The following RTEL1 variants were observed in gnomAD, a reference collection of about 807,000 sequenced individuals.
RTEL1 encodes the protein regulator of telomere elongation helicase 1, also known as regulator of telomere length.
A neutral mutation model predicts 162.2 loss-of-function variants in RTEL1; 86 were observed. The ratio of observed to expected loss-of-function variants is 0.53; its 90% CI spans 0.45 to 0.63. The LOEUF (loss-of-function observed/expected upper bound fraction) is 0.63, where lower values mean the gene tolerates loss of function less well. Ranked by LOEUF, RTEL1 falls within the 30% of genes least tolerant of loss-of-function variation. RTEL1 has a pLI of 0.00. For missense variants in RTEL1, 1,941 were observed against 1,750.2 expected (o/e 1.11, Z -1.95); for synonymous variants, 958 against 717.9 (o/e 1.33, Z -5.35).
upstream of RTEL1, chr20:63,657,982 C>G (rs2089944178): frequency 6.6e-6 from 1 of 152,306 alleles, no homozygotes; most frequent in Non-Finnish European, 1.5e-5. Flanking sequence ...TTCAAATTTT[C>G]AGGAAAGCGG....
Position 63,667,487 on chromosome 20 carries a change from G to A in RTEL1, c.633G>A (p.Leu211=). Residue 211 remains leucine (L), a synonymous_variant, in exon 8 of 35, where the codon CTG becomes CTA. Transcript: ENST00000360203. The part of the protein sequence containing the change: ...GSKHRVCPYY[L]SRNLKQQADI... The stretch of plus-strand genomic sequence containing the variant: ...TTCCCAGGGTGTGCCCTTACTACCT[G>A]TCCCGGAACCTGAAGCAGCAAGCCG... 1 of 1,613,770 alleles carries A rather than the reference G, an allele frequency of 6.2e-7. No homozygotes were observed. Among genetic ancestry groups the A allele is most frequent in the Non-Finnish European group, 8.5e-7 (1 of 1,179,784 alleles).
At chr20:63,673,336 A>G (rs888596674) in intron 9 of RTEL1, among the ~76,000 whole-genome samples, 13 of 151,292 alleles carry the variant, frequency 8.6e-5, no homozygotes, top group African/African-American at 2.9e-4. Context: ...AGAGGTTGCA[A>G]TGAGCCAAGA....
At position 63,688,936 on chromosome 20, in the gene RTEL1, A is replaced by G. The variant is rs2090658744; in HGVS notation, c.1801-119A>G. ...GCCAGGAAGAAGCTTCCAGAACCCG[A>G]TTGGCCTTCCTGGCTAGGACGATCC... On this transcript the variant is annotated intron_variant, in intron 21 of 34. Coordinates refer to ENST00000360203, the MANE Select transcript of RTEL1 (RefSeq NM_001283009.2). 4 of 897,788 alleles carry G rather than the reference A, an allele frequency of 4.5e-6. No homozygotes were observed. The Admixed American group carries it at 7.7e-5, about 17-fold the overall frequency. The allele number at this position is 897,788 out of a possible 1,614,324, so 55.6% of individuals were successfully genotyped here. A position where few individuals can be genotyped will look rare whatever the true frequency, so the allele number is the denominator to read the frequency against.
rs2090851223 is a variant in RTEL1, at chr20:63,693,510, T to TCCACCACCTCCACCTCCACCA, written c.2992+229_2992+230insACCACCTCCACCTCCACCACC. 4.6e-4 allele frequency among the ~76,000 whole-genome samples: 2 copies of TCCACCACCTCCACCTCCACCA among 4,386 alleles called. 1 individual carries two copies. The highest frequency in any genetic ancestry group is 7.8e-4 in the Non-Finnish European group (2 of 2,550). 2.9% of individuals were successfully genotyped at this position (4,386 alleles called of 152,430 possible). A position where few individuals can be genotyped will look rare whatever the true frequency, so the allele number is the denominator to read the frequency against. On this transcript the variant is annotated intron_variant, in intron 30 of 34. Transcript: ENST00000360203. ...CACCACCTCCACCTCCACCACCACC[T>TCCACCACCTCCACCTCCACCA]CCTCCACCACCACCACCTCCACCAC... is the stretch of plus-strand genomic sequence containing the variant.
rs764990302 is a variant in RTEL1, at chr20:63,678,301, C to G, written c.992C>G (p.Ala331Gly). 3.7e-6 allele frequency: 6 copies of G among 1,612,886 alleles called. No homozygotes were observed. The highest frequency in any genetic ancestry group is 5.1e-6 in the Non-Finnish European group (6 of 1,179,622). Residue 331 changes from alanine to glycine, a missense_variant, in exon 12 of 35, where the codon GCT becomes GGT. Ala to Gly is a moderately conservative substitution (Grantham distance 60). Coordinates refer to ENST00000360203, the MANE Select transcript of RTEL1 (RefSeq NM_001283009.2). ...CTGCGCCTGGAGGGGGCCATCGATG[C>G]TGTTGAGCTGCCTGGAGACGACAGC... ...ILLRLEGAID[A>G]VELPGDDSGV...
chr20:63,692,980 C>T lies in RTEL1; in HGVS notation c.2828C>T (p.Pro943Leu), dbSNP rs142969505. 73 of 1,612,504 alleles carry T rather than the reference C, an allele frequency of 4.5e-5. No homozygotes were observed. Among genetic ancestry groups the T allele is most frequent in the Middle Eastern group, 1.6e-4 (1 of 6,080 alleles). ...CTCGGCCCCCTCTTTGCTGAGGACC[C>T]CAAGAAGCACAACCTGCTCCAAGGT... The part of the protein sequence containing the change: ...ACLGPLFAED[P>L]KKHNLLQGFY... The change falls in exon 29 of 35, where the codon CCC (proline) becomes CTC (leucine). Residue 943 changes from proline to leucine, a missense_variant. Transcript: ENST00000360203.
Position 63,678,277 on chromosome 20 carries a change from T to G in RTEL1, c.968T>G (p.Leu323Arg), listed in dbSNP as rs966204028. The G allele has an allele frequency of 6.2e-7, 1 of 1,612,456 alleles. No homozygotes were observed. The highest frequency in any genetic ancestry group is 8.5e-7 in the Non-Finnish European group (1 of 1,179,126). Reference protein sequence around the residue: ...EDIAKLKMILLRLEGAIDAVE... With the variant: ...EDIAKLKMILRRLEGAIDAVE... ...CCTCCTCGACCCACAGTGATCCTGC[T>G]GCGCCTGGAGGGGGCCATCGATGCT... Residue 323 changes from leucine to arginine, a missense_variant, in exon 12 of 35, where the codon CTG (leucine) becomes CGG (arginine). Physicochemically the swap from Leu to Arg is moderately radical, Grantham distance 102. Transcript: ENST00000360203.
At chr20:63,666,443 C>T (rs1051707209) in intron 7 of RTEL1, among the ~76,000 whole-genome samples, 1 of 152,246 alleles carries the variant, frequency 6.6e-6, no homozygotes, top group Non-Finnish European at 1.5e-5. Flanking sequence ...CGGCCTTGTT[C>T]TTTTGAGGAC....
chr20:63,688,354 C>T lies in RTEL1; in HGVS notation c.1690C>T (p.Pro564Ser). 6.2e-7 allele frequency: 1 copy of T among 1,612,714 alleles called. No individual in the cohort carries two copies. Among genetic ancestry groups the T allele is most frequent in the Non-Finnish European group, 8.5e-7 (1 of 1,179,970 alleles). ...GCTCCTGATCTTCTTCCCTTCCTAT[C>T]CTGTCATGGAGAAGAGCCTGGAGTT... ...YGLLIFFPSYPVMEKSLEFWR... is the reference protein window; with the variant it reads ...YGLLIFFPSYSVMEKSLEFWR... Residue 564 changes from proline to serine, a missense_variant, in exon 20 of 35, where the codon CCT becomes TCT. Physicochemically the swap from Pro to Ser is moderately conservative, Grantham distance 74. Transcript: ENST00000360203.
At chr20:63,680,072 C>G (rs1046257627) in intron 13 of RTEL1, 126 bp downstream of exon 13, 1 of 656,058 alleles carries the variant, frequency 1.5e-6, no homozygotes, top group African/African-American at 1.8e-5. Context: ...GCCCACAGAA[C>G]CTCATCTTCT....
chr20:63,683,089 G>A (rs2090510622), intron 14 of RTEL1, among the ~76,000 whole-genome samples: 1 of 152,160 alleles, frequency 6.6e-6, no homozygotes, highest in South Asian at 2.1e-4. Context: ...TCAGCCACCC[G>A]AGGAGCTGTG....
chr20:63,659,350 C>T lies in RTEL1; in HGVS notation c.-53C>T. 2 of 1,384,342 alleles carry T rather than the reference C, an allele frequency of 1.4e-6. No individual in the cohort carries two copies. Among genetic ancestry groups the T allele is most frequent in the South Asian group, 1.2e-5 (1 of 85,876 alleles). The allele number at this position is 1,384,342 out of a possible 1,614,324, so 85.8% of individuals were successfully genotyped here. A position where few individuals can be genotyped will look rare whatever the true frequency, so the allele number is the denominator to read the frequency against. ...TTCGGAGTGGTTTTTTCGCACAGAC[C>T]CGAATAGCCTGCCCCTCAGCCACGC... On this transcript the variant is annotated 5_prime_UTR_variant, in exon 2 of 35. Transcript: ENST00000360203.
rs751914068 is a variant in RTEL1 at position 63,695,061 on chromosome 20, C to T, written c.3344-5C>T. The stretch of plus-strand genomic sequence containing the variant: ...TGTGCCGGGTCTGATTGAAGCTCCC[C>T]GCAGGGTTCAGCATGTTTGTGCGTC... On this transcript the variant is annotated splice_polypyrimidine_tract_variant and splice_region_variant and intron_variant, in intron 32 of 34. Coordinates refer to ENST00000360203, the MANE Select transcript of RTEL1 (RefSeq NM_001283009.2). 30 of 1,611,816 alleles carry T rather than the reference C, an allele frequency of 1.9e-5. No individual in the cohort carries two copies. The highest frequency in any genetic ancestry group is 2.2e-5 in the East Asian group (1 of 44,846).
At chr20:63,663,174 G>A (rs1457514765) in intron 6 of RTEL1, among the ~76,000 whole-genome samples, 1 of 152,234 alleles carries the variant, frequency 6.6e-6, no homozygotes, top group African/African-American at 2.4e-5. Context: ...GGGTCTCCCT[G>A]CACCTAACCT....
intron 7 of RTEL1, among the ~76,000 whole-genome samples, chr20:63,666,433 C>T (rs941733597): frequency 6.6e-6 from 1 of 152,216 alleles, no homozygotes; most frequent in African/African-American, 2.4e-5. Context: ...GCTGGCAGCT[C>T]GGCCTTGTTC....
chr20:63,686,929 T>A (rs569973992), intron 16 of RTEL1: 80 of 159,118 alleles, frequency 5.0e-4, no homozygotes, highest in African/African-American at 1.8e-3. Context: ...GCACTGGGCG[T>A]TTGTAGGAAA....
rs138157704 is a variant in RTEL1, at chr20:63,677,273, G to A, written c.920-872G>A. ...TTGGTCGTTGTTACTGGGTGTTTTC[G>A]TGGAGATACAGCCATACGCACAGGT... On this transcript the variant is annotated intron_variant, in intron 10 of 34. Transcript: ENST00000360203. Among the ~76,000 whole-genome samples, 130 of 152,328 alleles carry A rather than the reference G, an allele frequency of 8.5e-4. 1 individual carries two copies. In the East Asian group the frequency reaches 0.019, roughly 22 times the overall value.
chr20:63,682,975 T>G (rs538958318), intron 14 of RTEL1, among the ~76,000 whole-genome samples: 154 of 152,118 alleles, frequency 1.0e-3, no homozygotes, highest in Non-Finnish European at 1.8e-3. Context: ...TGTGGTGGTG[T>G]TTTTTTGAGA....
At position 63,665,986 on chromosome 20, in the gene RTEL1, C is replaced by G. The variant is rs764034939; in HGVS notation, c.539-18C>G. On this transcript the variant is annotated intron_variant, in intron 6 of 34. Transcript: ENST00000360203. ...TGGACCCTGAGGGTGTGTGTTTACC[C>G]CTGCCTCACACCTGCAGAAAAAAGC... 2 of 1,612,574 alleles carry G rather than the reference C, an allele frequency of 1.2e-6. No homozygotes were observed. The highest frequency in any genetic ancestry group is 1.7e-6 in the Non-Finnish European group (2 of 1,178,764).
Sources: gnomAD v4.1 joint callset for allele counts (sites outside exome capture counted in the v4.1 genomes callset) on GRCh38, gnomAD v4.1.1 for gene constraint, MANE v1.5 for transcripts, NCBI Gene and HGNC (gene_info 2026-07-23, HGNC 2026-07-21) for gene names.